The following ADARB2 variants were observed in gnomAD, a reference collection of about 807,000 sequenced individuals.
ADARB2 encodes inactive double-stranded RNA-specific editase B2.
Under a neutral mutation model 62.2 loss-of-function variants are expected in ADARB2, and 25 were observed. That is an observed-to-expected ratio of 0.40 (90% confidence interval 0.29 to 0.56). The LOEUF (loss-of-function observed/expected upper bound fraction) is 0.56, where lower values mean the gene tolerates loss of function less well. ADARB2 is among the 20% of genes least tolerant of loss of function. ADARB2 has a pLI of 0.43. For missense variants in ADARB2, 1,071 were observed against 1,077.4 expected (o/e 0.99, Z 0.08); for synonymous variants, 572 against 500.8 (o/e 1.14, Z -1.90).
intron 1 of ADARB2, among the ~76,000 whole-genome samples, chr10:1,531,342 T>A (rs1243187802): frequency 6.6e-6 from 1 of 152,222 alleles, no homozygotes; most frequent in Non-Finnish European, 1.5e-5. Flanking sequence ...CAGGCAGCCC[T>A]TCGCGAGAGG....
chr10:1,261,718 G>T (rs1364867102), intron 4 of ADARB2, among the ~76,000 whole-genome samples: 1 of 150,056 alleles, frequency 6.7e-6, no homozygotes, highest in African/African-American at 2.5e-5. Context: ...TTCAACCATT[G>T]TGGAAGTCAG....
At chr10:1,692,511 C>A (rs1214939376) in intron 1 of ADARB2, among the ~76,000 whole-genome samples, 2 of 152,100 alleles carry the variant, frequency 1.3e-5, no homozygotes, top group Non-Finnish European at 2.9e-5. Context: ...AGTTTTTGCT[C>A]AAGGCATAGA....
At chr10:1,381,977 A>G (rs975955102) in intron 1 of ADARB2, among the ~76,000 whole-genome samples, 3 of 152,136 alleles carry the variant, frequency 2.0e-5, no homozygotes, top group African/African-American at 7.2e-5. Context: ...GAAATGGGAT[A>G]AAAGAGTGGA....
At chr10:1,578,047 A>T (rs1343125922) in intron 1 of ADARB2, among the ~76,000 whole-genome samples, 1 of 152,206 alleles carries the variant, frequency 6.6e-6, no homozygotes, top group Admixed American at 6.5e-5. Flanking sequence ...GAAGCAGGAA[A>T]GTCAGTTGCT....
chr10:1,402,446 G>C (rs565275321), intron 1 of ADARB2, among the ~76,000 whole-genome samples: 204 of 152,306 alleles, frequency 1.3e-3, no homozygotes, highest in Non-Finnish European at 2.1e-3. Flanking sequence ...TGTGGAATTG[G>C]TGCGTGGTTA....
At chr10:1,266,128 A>G (rs965176479) in intron 4 of ADARB2, among the ~76,000 whole-genome samples, 16 of 151,860 alleles carry the variant, frequency 1.1e-4, no homozygotes, top group East Asian at 7.8e-4. Context: ...AGCCAGGTCC[A>G]CGCTCTCCCG....
intron 1 of ADARB2, among the ~76,000 whole-genome samples, chr10:1,680,743 A>T (rs1221957817): frequency 6.6e-6 from 1 of 152,210 alleles, no homozygotes; most frequent in Non-Finnish European, 1.5e-5. Flanking sequence ...GTGCTTGGGG[A>T]AAATGTCTGA....
At chr10:1,583,438 G>A (rs909359469) in intron 1 of ADARB2, among the ~76,000 whole-genome samples, 15 of 152,198 alleles carry the variant, frequency 9.9e-5, no homozygotes, top group African/African-American at 3.6e-4. Flanking sequence ...ATGAAGTGAT[G>A]CAGGCCTAAA....
chr10:1,596,462 C>T (rs186775990), intron 1 of ADARB2, among the ~76,000 whole-genome samples: 37 of 152,254 alleles, frequency 2.4e-4, no homozygotes, highest in African/African-American at 7.0e-4. Context: ...GAATAAAGTC[C>T]GGCACCGGGA....
intron 3 of ADARB2, among the ~76,000 whole-genome samples, chr10:1,343,731 A>G (rs1268443132): frequency 6.6e-6 from 1 of 152,240 alleles, no homozygotes; most frequent in African/African-American, 2.4e-5. Context: ...AGGAACATGG[A>G]TGGAGCTGGA....
chr10:1,503,006 G>A (rs554378370), intron 1 of ADARB2, among the ~76,000 whole-genome samples: 7 of 152,164 alleles, frequency 4.6e-5, no homozygotes, highest in African/African-American at 1.7e-4. Context: ...AATAACTTTT[G>A]GAGAAAGCAT....
chr10:1,434,940 A>G (rs985516981), intron 1 of ADARB2, among the ~76,000 whole-genome samples: 7 of 152,230 alleles, frequency 4.6e-5, no homozygotes, highest in African/African-American at 1.7e-4. Context: ...TCCTCAGTTC[A>G]TCTGCATCTC....
At position 1,477,691 on chromosome 10, in the gene ADARB2, C is replaced by T. The variant is rs2676751; in HGVS notation, c.101-98531G>A. The stretch of plus-strand genomic sequence containing the variant: ...GTCAGCCTGTGCGCCTCTTTCCAGA[C>T]GATAGGCGGGGTGCTTAATTTTCAG... On this transcript the variant is annotated intron_variant, in intron 1 of 9. Transcript: ENST00000381312. The surrounding 1 kb of genome is among the most constrained non-coding windows in gnomAD (Gnocchi z 4.5). Among the ~76,000 whole-genome samples, 4,530 of 152,292 alleles carry T rather than the reference C, an allele frequency of 0.03. 233 individuals are homozygous for T. Among genetic ancestry groups the T allele is most frequent in the African/African-American group, 0.1 (4,267 of 41,552 alleles).
intron 1 of ADARB2, among the ~76,000 whole-genome samples, chr10:1,585,908 G>C (rs10903498): frequency 0.16 from 24,678 of 152,082 alleles, 2,448 homozygotes; most frequent in East Asian, 0.42. Flanking sequence ...GTGGCGGGCG[G>C]CTGTAGTCCC....
At chr10:1,386,517 T>A (rs1443142095) in intron 1 of ADARB2, among the ~76,000 whole-genome samples, 1 of 151,986 alleles carries the variant, frequency 6.6e-6, no homozygotes, top group African/African-American at 2.4e-5. Context: ...ATGGAATGGC[T>A]ATGTTAACAA....
At chr10:1,465,282 C>T (rs996869595) in intron 1 of ADARB2, among the ~76,000 whole-genome samples, 4 of 152,176 alleles carry the variant, frequency 2.6e-5, no homozygotes, top group Non-Finnish European at 4.4e-5. Context: ...ACCTATTTTA[C>T]ATTTGATGGT....
chr10:1,544,022 A>C (rs1241181469), intron 1 of ADARB2, among the ~76,000 whole-genome samples: 34 of 143,382 alleles, frequency 2.4e-4, no homozygotes, highest in African/African-American at 6.2e-4. Flanking sequence ...AACAAACAAA[A>C]AAAAAAACAC....
At chr10:1,277,204 C>T (rs1022056937) in intron 3 of ADARB2, among the ~76,000 whole-genome samples, 14 of 152,010 alleles carry the variant, frequency 9.2e-5, no homozygotes, top group Non-Finnish European at 1.5e-5. Flanking sequence ...GAACTAGAGA[C>T]ACAAGAGCAA....
At chr10:1,562,056 C>T (rs900328178) in intron 1 of ADARB2, among the ~76,000 whole-genome samples, 30 of 152,330 alleles carry the variant, frequency 2.0e-4, no homozygotes, top group Admixed American at 3.9e-4. Flanking sequence ...AGCCGGAACC[C>T]GTCTCCCTCT....
Sources: allele counts gnomAD v4.1 joint callset (sites outside exome capture counted in the v4.1 genomes callset), GRCh38; gene constraint gnomAD v4.1.1; non-coding constraint Gnocchi (gnomAD v3.1); transcripts MANE v1.5; gene names NCBI Gene and HGNC (gene_info 2026-07-23, HGNC 2026-07-21).